Variants in FILIP1 observed in about 807,000 individuals in gnomAD.
The protein encoded by FILIP1 is filamin A interacting protein 1, also known as filamin-A-interacting protein 1.
Under a neutral mutation model 102.1 loss-of-function variants are expected in FILIP1, and 61 were observed. The observed-to-expected ratio is 0.60, with a 90% CI of 0.49 to 0.74. The LOEUF is 0.74. FILIP1 is among the 30% of genes least tolerant of loss of function. FILIP1 has a pLI of 0.00. For synonymous variants in FILIP1, 491 were observed against 526.9 expected (o/e 0.93, Z 0.93); for missense variants, 1,314 against 1,441.2 (o/e 0.91, Z 1.43).
At chr6:75,335,203 A>G (rs1774202249) in intron 4 of FILIP1, among the ~76,000 whole-genome samples, 8 of 152,146 alleles carry the variant, frequency 5.3e-5, no homozygotes, top group Admixed American at 5.2e-4. Flanking sequence ...GTTAAGGTAC[A>G]TGGTATCTAA....
chr6:75,329,617 CAA>C (rs1481001533), intron 4 of FILIP1, among the ~76,000 whole-genome samples: 1 of 152,114 alleles, frequency 6.6e-6, no homozygotes, highest in Non-Finnish European at 1.5e-5. Context: ...GAATGAACCT[CAA>C]AAGAGTCAAG....
At chr6:75,475,428 T>A (rs1350834529) in intron 1 of FILIP1, among the ~76,000 whole-genome samples, 3 of 152,186 alleles carry the variant, frequency 2.0e-5, no homozygotes, top group Admixed American at 2.0e-4. Context: ...GTATTTATGA[T>A]GGGTAGCCAT....
chr6:75,301,945 C>T (rs79343687), intron 6 of FILIP1, among the ~76,000 whole-genome samples: 2,372 of 152,194 alleles, frequency 0.016, 66 homozygotes, highest in African/African-American at 0.054. Flanking sequence ...AAATGAGAGC[C>T]TCTCTGTCCT....
At chr6:75,423,151 C>T (rs1348175570) in intron 1 of FILIP1, among the ~76,000 whole-genome samples, 1 of 152,106 alleles carries the variant, frequency 6.6e-6, no homozygotes, top group Non-Finnish European at 1.5e-5. Context: ...TACAACTACA[C>T]TAGAAGTTGC....
intron 2 of FILIP1, among the ~76,000 whole-genome samples, chr6:75,370,324 C>T (rs562003615): frequency 6.6e-6 from 1 of 152,200 alleles, no homozygotes; most frequent in South Asian, 2.1e-4. Flanking sequence ...CTGTGACTGC[C>T]TTGGGAGACT....
intron 4 of FILIP1, among the ~76,000 whole-genome samples, chr6:75,338,683 T>C (rs1338632995): frequency 6.6e-6 from 1 of 152,248 alleles, no homozygotes; most frequent in South Asian, 2.1e-4. Flanking sequence ...TTACTTGTTA[T>C]TTATTGTGAT....
rs1356138382 is a variant in FILIP1 at position 75,362,866 on chromosome 6, C to T, written c.328G>A (p.Val110Ile). 1 of 1,614,016 alleles carries T rather than the reference C, an allele frequency of 6.2e-7. No individual in the cohort carries two copies. The highest frequency in any genetic ancestry group is 8.5e-7 in the Non-Finnish European group (1 of 1,180,016). The change falls in exon 3 of 6, where the codon GTT becomes ATT. Residue 110 changes from valine (V) to isoleucine (I), a missense_variant. Coordinates refer to ENST00000237172, the MANE Select transcript of FILIP1 (RefSeq NM_015687.5). ...GCAGACCCGTAATGAGCCTCCAGAA[C>T]CTCAGGCTTGGTTTTCTCTGTCTTC... ...MLKTEKTKPE[V>I]LEAHYGSAEP...
At chr6:75,486,686 C>A (rs1424765112) in intron 1 of FILIP1, among the ~76,000 whole-genome samples, 2 of 152,048 alleles carry the variant, frequency 1.3e-5, no homozygotes, top group African/African-American at 4.8e-5. Context: ...TTTATAACCT[C>A]ATTTTCCTAA....
chr6:75,479,583 T>G (rs1779591025), intron 1 of FILIP1, among the ~76,000 whole-genome samples: 1 of 151,844 alleles, frequency 6.6e-6, no homozygotes, highest in South Asian at 2.1e-4. Flanking sequence ...TTTAAAAGAG[T>G]CTTGGTCAGG....
intron 2 of FILIP1, among the ~76,000 whole-genome samples, chr6:75,372,782 GAAA>G (rs1775616735): frequency 1.2e-5 from 1 of 82,236 alleles, no homozygotes; most frequent in Admixed American, 1.2e-4. Flanking sequence ...AAGAAAGAAA[GAAA>G]GAAAGAAAGA....
intron 1 of FILIP1, among the ~76,000 whole-genome samples, chr6:75,455,959 C>T (rs2951920): frequency 0.69 from 105,253 of 152,004 alleles, 37,257 homozygotes; most frequent in African/African-American, 0.84. Context: ...TACCCCAAAC[C>T]TACTCTCAAC....
chr6:75,395,047 C>T (rs982757739), intron 2 of FILIP1, among the ~76,000 whole-genome samples: 6 of 151,906 alleles, frequency 3.9e-5, no homozygotes, highest in Non-Finnish European at 5.9e-5. Context: ...TACACTCTGA[C>T]GTCACTGAAA....
At chr6:75,460,590 C>T (rs1582542877) in intron 1 of FILIP1, among the ~76,000 whole-genome samples, 2 of 152,066 alleles carry the variant, frequency 1.3e-5, no homozygotes, top group Non-Finnish European at 2.9e-5. Flanking sequence ...AGTAAAATAA[C>T]TCAGAATAAC....
At chr6:75,335,388 G>A (rs1774208432) in intron 4 of FILIP1, among the ~76,000 whole-genome samples, 1 of 152,116 alleles carries the variant, frequency 6.6e-6, no homozygotes, top group African/African-American at 2.4e-5. Context: ...TTAAAGAAGT[G>A]TCTGTTTCAG....
rs1244982363 is a variant in FILIP1 at position 75,313,468 on chromosome 6, G to A, written c.2364C>T (p.Pro788=). ...LSKRYSRALR[P]SVNGRRMVDV... is the part of the protein sequence containing the mutation. ...CCACCATTCTTCTTCCATTCACACTGGGCCTAAGAGCTCTGCTGTAGCGCT... is the reference window on the plus strand; with the variant it reads ...CCACCATTCTTCTTCCATTCACACTAGGCCTAAGAGCTCTGCTGTAGCGCT... Residue 788 remains proline (P), a synonymous_variant, in exon 5 of 6, where the codon CCC becomes CCT. Coordinates refer to ENST00000237172, the MANE Select transcript of FILIP1 (RefSeq NM_015687.5). The surrounding 1 kb of genome is among the most constrained non-coding windows in gnomAD (Gnocchi z 4.2). 6.2e-7 allele frequency: 1 copy of A among 1,614,120 alleles called. No individual in the cohort carries two copies. Among genetic ancestry groups the A allele is most frequent in the Admixed American group, 1.7e-5 (1 of 60,022 alleles).
chr6:75,460,424 CT>C (rs1298940462), intron 1 of FILIP1, among the ~76,000 whole-genome samples: 1 of 152,062 alleles, frequency 6.6e-6, no homozygotes, highest in Non-Finnish European at 1.5e-5. Context: ...TTTAAAGAAT[CT>C]AAATATTATT....
intron 1 of FILIP1, among the ~76,000 whole-genome samples, chr6:75,434,915 G>T (rs957706549): frequency 1.3e-5 from 2 of 152,124 alleles, no homozygotes; most frequent in South Asian, 2.1e-4. Context: ...GAATTTTGTC[G>T]AAGGCCTTTT....
At chr6:75,396,419 G>C (rs879299797) in intron 2 of FILIP1, among the ~76,000 whole-genome samples, 5 of 152,074 alleles carry the variant, frequency 3.3e-5, no homozygotes, top group South Asian at 2.1e-4. Flanking sequence ...GAAGTAAAGC[G>C]GTGGCAGTGG....
chr6:75,326,265 A>AT (rs1397914172), intron 4 of FILIP1, among the ~76,000 whole-genome samples: 1 of 152,148 alleles, frequency 6.6e-6, no homozygotes, highest in Non-Finnish European at 1.5e-5. Context: ...ACCAAATATC[A>AT]TATGTTCTCA....
Sources: allele counts gnomAD v4.1 joint callset (sites outside exome capture counted in the v4.1 genomes callset), GRCh38; gene constraint gnomAD v4.1.1; non-coding constraint Gnocchi (gnomAD v3.1); transcripts MANE v1.5; gene names NCBI Gene and HGNC (gene_info 2026-07-23, HGNC 2026-07-21).